HGF: variants seen among roughly 807,000 people sequenced by gnomAD.
HGF encodes the protein fibroblast-derived tumor cytotoxic factor.
A neutral mutation model predicts 111.6 loss-of-function variants in HGF; 39 were observed. The ratio of observed to expected loss-of-function variants is 0.35; its 90% CI spans 0.27 to 0.46. HGF has a LOEUF of 0.46. Among genes scored for constraint, HGF ranks in the 20% least tolerant of loss-of-function variants. The pLI is 1.00. For synonymous variants in HGF, 285 were observed against 294.8 expected (o/e 0.97, Z 0.34); for missense variants, 735 against 910.5 (o/e 0.81, Z 2.48).
chr7:81,763,975 G>A (rs550587751), intron 1 of HGF, among the ~76,000 whole-genome samples: 1 of 152,266 alleles, frequency 6.6e-6, no homozygotes, highest in South Asian at 2.1e-4. Context: ...CTGTAGCTAA[G>A]AATGGCTAAG....
chr7:81,733,850 A>G (rs1021361328), intron 7 of HGF, among the ~76,000 whole-genome samples: 3 of 152,124 alleles, frequency 2.0e-5, no homozygotes, highest in Non-Finnish European at 4.4e-5. Context: ...TTACTATTCA[A>G]ACAAAATTAA....
intron 7 of HGF, chr7:81,742,885 T>C (rs774438294): frequency 9.9e-6 from 16 of 1,610,986 alleles, no homozygotes; most frequent in African/African-American, 2.7e-5. Context: ...CTCATTATTC[T>C]TCACTGCAGC....
At position 81,701,602 on chromosome 7, in the gene HGF, A is replaced by G. The variant is rs1462559647; in HGVS notation, c.*979T>C. On this transcript the variant is annotated 3_prime_UTR_variant, in exon 18 of 18. Transcript: ENST00000222390. ...CACTTTTAAACTTCTTCAATTAGAT[A>G]CTGATCTGAGCACTTAAGAAATGCT... is the stretch of plus-strand genomic sequence containing the variant. 6.6e-6 allele frequency: 1 copy of G among 151,616 alleles called. No homozygotes were observed. The highest frequency in any genetic ancestry group is 1.9e-4 in the East Asian group (1 of 5,166). 9.4% of individuals were successfully genotyped at this position (151,616 alleles called of 1,614,324 possible).
chr7:81,704,511 T>G (rs1468142171), intron 17 of HGF, among the ~76,000 whole-genome samples: 1 of 151,824 alleles, frequency 6.6e-6, no homozygotes, highest in Non-Finnish European at 1.5e-5. Flanking sequence ...ATAATCTGTT[T>G]CTAACCATAT....
intron 7 of HGF, among the ~76,000 whole-genome samples, chr7:81,731,092 T>C (rs1375209312): frequency 2.0e-5 from 3 of 152,226 alleles, no homozygotes; most frequent in Non-Finnish European, 4.4e-5. Context: ...GTTAGTTGAA[T>C]GCTTTATTTC....
chr7:81,731,194 C>T (rs1177599493), intron 7 of HGF, among the ~76,000 whole-genome samples: 3 of 152,118 alleles, frequency 2.0e-5, no homozygotes, highest in Non-Finnish European at 4.4e-5. Flanking sequence ...GAAAACATTA[C>T]CTTAATGACT....
At chr7:81,729,295 T>G (rs13309043) in intron 8 of HGF, among the ~76,000 whole-genome samples, 3 of 11,574 alleles carry the variant, frequency 2.6e-4, no homozygotes, top group African/African-American at 4.1e-4. Flanking sequence ...TTAACTGATT[T>G]ACTAAACAGA....
At chr7:81,739,501 A>C (rs1199401896) in intron 7 of HGF, among the ~76,000 whole-genome samples, 5 of 152,142 alleles carry the variant, frequency 3.3e-5, no homozygotes, top group African/African-American at 9.7e-5. Context: ...CATAAATTAT[A>C]AACAGCATGA....
Position 81,699,044 on chromosome 7 carries a change from A to C in HGF, c.*3537T>G, listed in dbSNP as rs868662940. ...AATATTTTATTAATAATAATAATAT[A>C]ATCATGGTTATAAAAATAACAACTT... is the stretch of plus-strand genomic sequence containing the variant. On this transcript the variant is annotated 3_prime_UTR_variant, in exon 18 of 18. Coordinates refer to ENST00000222390, the MANE Select transcript of HGF (RefSeq NM_000601.6). The C allele has an allele frequency of 2.0e-5, 3 of 151,546 alleles. No homozygotes were observed. The highest frequency in any genetic ancestry group is 7.2e-5 in the African/African-American group (3 of 41,508). 9.4% of individuals were successfully genotyped at this position (151,546 alleles called of 1,614,324 possible).
intron 3 of HGF, 143 bp downstream of exon 3, chr7:81,758,549 G>A: frequency 1.6e-6 from 1 of 637,754 alleles, no homozygotes; most frequent in Non-Finnish European, 2.8e-6. Flanking sequence ...AGTTTCAACT[G>A]TCTTAATGGA....
chr7:81,746,640 C>T (rs1379445186), intron 5 of HGF, among the ~76,000 whole-genome samples: 2 of 152,026 alleles, frequency 1.3e-5, no homozygotes, highest in South Asian at 2.1e-4. Context: ...GTATAGTACT[C>T]AGGAAAGAGA....
intron 7 of HGF, among the ~76,000 whole-genome samples, chr7:81,731,745 T>A (rs1787664295): frequency 6.6e-6 from 1 of 152,132 alleles, no homozygotes. Flanking sequence ...AGGTACAAGG[T>A]CAAGTTTGTA....
At chr7:81,707,449 TTAAAAA>T in intron 13 of HGF, 85 bp from the exon 14 acceptor site, 1 of 801,092 alleles carries the variant, frequency 1.2e-6, no homozygotes, top group Non-Finnish European at 2.2e-6. Flanking sequence ...GCTCCATTTG[TTAAAAA>T]TAAATACACT....
At chr7:81,756,091 C>G in intron 4 of HGF, 1 of 700,354 alleles carries the variant, frequency 1.4e-6, no homozygotes, top group South Asian at 1.5e-5. Context: ...AGCATGGGTT[C>G]TACTGACCGG....
chr7:81,725,392 A>G (rs548600071), intron 9 of HGF, among the ~76,000 whole-genome samples: 8 of 152,312 alleles, frequency 5.3e-5, no homozygotes, highest in African/African-American at 1.7e-4. Flanking sequence ...ATACTCTTAC[A>G]CATATATGTG....
chr7:81,718,232 T>G (rs5745718), intron 10 of HGF, among the ~76,000 whole-genome samples: 124,548 of 152,166 alleles, frequency 0.82, 51,057 homozygotes, highest in Middle Eastern at 0.9. Flanking sequence ...CCAGACCAAG[T>G]TTCATTTTTC....
intron 5 of HGF, among the ~76,000 whole-genome samples, chr7:81,749,492 A>G (rs1322687032): frequency 6.6e-6 from 1 of 152,154 alleles, no homozygotes; most frequent in Non-Finnish European, 1.5e-5. Context: ...TATGTACGAC[A>G]TGATGTTTTG....
At chr7:81,718,304 T>G (rs1319462497) in intron 10 of HGF, among the ~76,000 whole-genome samples, 1 of 152,186 alleles carries the variant, frequency 6.6e-6, no homozygotes, top group Non-Finnish European at 1.5e-5. Context: ...TGTTGTAGGT[T>G]CTTTGTAGAT....
At chr7:81,750,818 G>GT (rs11378661) in intron 5 of HGF, 232,172 of 300,762 alleles carry the variant, frequency 0.77, 90,729 homozygotes, top group African/African-American at 0.9. Context: ...TAAAAGTAGG[G>GT]TTTTTTTTCT....
Sources: allele counts gnomAD v4.1 joint callset (sites outside exome capture counted in the v4.1 genomes callset), GRCh38; gene constraint gnomAD v4.1.1; transcripts MANE v1.5; gene names NCBI Gene and HGNC (gene_info 2026-07-23, HGNC 2026-07-21).